Variants in SMARCA2 observed in about 807,000 individuals in gnomAD.
The protein encoded by SMARCA2 is SWI/SNF-related matrix-associated actin-dependent regulator of chromatin subfamily A member 2.
SMARCA2 carries 61 observed loss-of-function variants against 199.8 expected under a neutral mutation model. The ratio of observed to expected loss-of-function variants is 0.31; its 90% CI spans 0.25 to 0.38. The LOEUF is 0.38. Among genes scored for constraint, SMARCA2 ranks in the 10% least tolerant of loss-of-function variants. The pLI is 1.00. For missense variants in SMARCA2, 1,344 were observed against 2,012.2 expected (o/e 0.67, Z 6.35); for synonymous variants, 935 against 732.0 (o/e 1.28, Z -4.48).
In SMARCA2 at chr9:2,136,061, C is replaced by T. The variant is rs568610627; in HGVS notation, c.3981+12124C>T. Among the ~76,000 whole-genome samples, 5 of 149,170 alleles carry T rather than the reference C, an allele frequency of 3.4e-5. No homozygotes were observed. In the East Asian group the frequency reaches 6.0e-4, roughly 18 times the overall value. On this transcript the variant is annotated intron_variant, in intron 27 of 33. Coordinates refer to ENST00000349721, the MANE Select transcript of SMARCA2 (RefSeq NM_003070.5). Reference sequence around the variant, plus strand: ...TTCACCATATTGACCAGGCTGGTCTCGAACTCCTGATCTCGTGATCCGCCT... The same window carrying T: ...TTCACCATATTGACCAGGCTGGTCTTGAACTCCTGATCTCGTGATCCGCCT...
At position 2,104,431 on chromosome 9, in the gene SMARCA2, T is replaced by A. The variant is rs1822664245; in HGVS notation, c.3292+262T>A. 6.6e-6 allele frequency among the ~76,000 whole-genome samples: 1 copy of A among 152,176 alleles called. No homozygotes were observed. The highest frequency in any genetic ancestry group is 2.4e-5 in the African/African-American group (1 of 41,442). On this transcript the variant is annotated intron_variant, in intron 23 of 33. Coordinates refer to ENST00000349721, the MANE Select transcript of SMARCA2 (RefSeq NM_003070.5). The surrounding 1 kb of genome is among the most constrained non-coding windows in gnomAD (Gnocchi z 4.0). ...TTTGAGTACCTAAATAAAATAAAATTAAACTAAATTAAAATTTTAAAATCT... is the reference window on the plus strand; with the variant it reads ...TTTGAGTACCTAAATAAAATAAAATAAAACTAAATTAAAATTTTAAAATCT...
chr9:2,109,327 C>T (rs1822888515), intron 23 of SMARCA2, among the ~76,000 whole-genome samples: 1 of 152,014 alleles, frequency 6.6e-6, no homozygotes. Context: ...AGATGGAATA[C>T]TGGTGTTTTT....
chr9:2,062,465 C>T (rs1011906237), intron 9 of SMARCA2, among the ~76,000 whole-genome samples: 24 of 152,074 alleles, frequency 1.6e-4, no homozygotes, highest in African/African-American at 2.7e-4. Context: ...AGATTTCTGC[C>T]GTGGTGTTAG....
Position 2,094,551 on chromosome 9 carries a change from G to A in SMARCA2, c.2884-2106G>A, listed in dbSNP as rs1157985315. On this transcript the variant is annotated intron_variant, in intron 19 of 33. Coordinates refer to ENST00000349721, the MANE Select transcript of SMARCA2 (RefSeq NM_003070.5). ...AAGCCAGCAGGGAGGTGCAGGTGAA[G>A]GTGAACCTCAGGCAGAGCTAGGAAG... 2.0e-5 allele frequency among the ~76,000 whole-genome samples: 3 copies of A among 152,202 alleles called. No individual in the cohort carries two copies. In the East Asian group the frequency reaches 5.8e-4, roughly 29 times the overall value.
rs1052541628 is a variant in SMARCA2, at chr9:2,119,980, T to C, written c.3762+445T>C. On this transcript the variant is annotated intron_variant, in intron 26 of 33. Transcript: ENST00000349721. The surrounding 1 kb of genome is among the most constrained non-coding windows in gnomAD (Gnocchi z 4.6). ...CCTGGCTCCTATAGGCATTGGAACT[T>C]ACAACAGTGCCCTTACAGGATCAAA... Among the ~76,000 whole-genome samples, 24 of 152,280 alleles carry C rather than the reference T, an allele frequency of 1.6e-4. No individual in the cohort carries two copies. The highest frequency in any genetic ancestry group is 6.8e-3 in the Middle Eastern group (2 of 294).
At position 2,057,036 on chromosome 9, in the gene SMARCA2, A is replaced by C. The variant is rs80050802; in HGVS notation, c.1347+191A>C. 0.059 allele frequency among the ~76,000 whole-genome samples: 8,965 copies of C among 152,300 alleles called. 490 individuals are homozygous for C. The highest frequency in any genetic ancestry group is 0.13 in the African/African-American group (5,576 of 41,552). Reference sequence around the variant, plus strand: ...GACAAAGACGCTTAAGCCAGGACGTATAAATGACTGCCCAAGGTCATACAA... The same window carrying C: ...GACAAAGACGCTTAAGCCAGGACGTCTAAATGACTGCCCAAGGTCATACAA... On this transcript the variant is annotated intron_variant, in intron 7 of 33. Transcript: ENST00000349721.
intron 33 of SMARCA2, 59 bp downstream of exon 33, chr9:2,191,467 C>T (rs750736189): frequency 1.9e-6 from 3 of 1,583,988 alleles, no homozygotes; most frequent in Non-Finnish European, 2.6e-6. Flanking sequence ...TTGCTGGCCT[C>T]TTGCATTTCC....
chr9:2,073,966 A>C (rs1821206515), intron 12 of SMARCA2, among the ~76,000 whole-genome samples: 1 of 152,202 alleles, frequency 6.6e-6, no homozygotes, highest in Non-Finnish European at 1.5e-5. Flanking sequence ...CCATACCTCT[A>C]AGTGGTTCAC....
chr9:2,083,249 T>G (rs1821646549), intron 15 of SMARCA2, 98 bp from the exon 16 acceptor site: 1 of 723,738 alleles, frequency 1.4e-6, no homozygotes, highest in African/African-American at 1.8e-5. Context: ...CTGTAGCCCC[T>G]TTCAAGGTGA....
chr9:2,154,284 G>GGTAGTAGTAGTAGCTGCATCA (rs1825227126), intron 27 of SMARCA2, among the ~76,000 whole-genome samples: 2 of 152,102 alleles, frequency 1.3e-5, no homozygotes, highest in Non-Finnish European at 2.9e-5. Context: ...GGACAATGGT[G>GGTAGTAGTAGTAGCTGCATCA]GTAGTAGTAG....
chr9:2,047,596 G>C (rs1474259579), intron 5 of SMARCA2, 112 bp downstream of exon 5: 13 of 1,165,006 alleles, frequency 1.1e-5, no homozygotes, highest in African/African-American at 4.9e-5. Context: ...ATTTTCACCC[G>C]TGCGGTCGGA....
At position 2,077,795 on chromosome 9, in the gene SMARCA2, GT is replaced by G. The variant is rs774555192; in HGVS notation, c.2184+22del. 6.3e-7 allele frequency: 1 copy of G among 1,590,712 alleles called. No individual in the cohort carries two copies. The highest frequency in any genetic ancestry group is 8.6e-7 in the Non-Finnish European group (1 of 1,167,534). ...TTACCAGGTAATTGGCATGGTTTCA[GT>G]TTCCTTGGCAAGTTGTAACCATTTA... On this transcript the variant is annotated intron_variant, in intron 14 of 33. Coordinates refer to ENST00000349721, the MANE Select transcript of SMARCA2 (RefSeq NM_003070.5).
At chr9:2,095,498 A>T (rs886237072) in intron 19 of SMARCA2, among the ~76,000 whole-genome samples, 3 of 152,206 alleles carry the variant, frequency 2.0e-5, no homozygotes, top group Non-Finnish European at 2.9e-5. Context: ...TTAATCTTGG[A>T]GATTTTTCTT....
chr9:2,093,233 G>T (rs573282833), intron 19 of SMARCA2, among the ~76,000 whole-genome samples: 2 of 152,252 alleles, frequency 1.3e-5, no homozygotes, highest in East Asian at 1.9e-4. Flanking sequence ...TTTAGGACGG[G>T]GTACCCAGTA....
intron 20 of SMARCA2, chr9:2,097,063 G>C (rs1266153472): frequency 2.0e-6 from 1 of 492,124 alleles, no homozygotes; most frequent in Admixed American, 3.6e-5. Context: ...TTAAAATCCA[G>C]TTTCACTCCC....
intron 27 of SMARCA2, among the ~76,000 whole-genome samples, chr9:2,156,866 C>A (rs988463004): frequency 6.6e-6 from 1 of 152,206 alleles, no homozygotes; most frequent in Non-Finnish European, 1.5e-5. Context: ...AGCACTAACT[C>A]CCCGGCCGTC....
Position 2,098,942 on chromosome 9 carries a change from G to A in SMARCA2, c.3078+1471G>A, listed in dbSNP as rs1247910279. On this transcript the variant is annotated intron_variant, in intron 21 of 33. Coordinates refer to ENST00000349721, the MANE Select transcript of SMARCA2 (RefSeq NM_003070.5). Reference sequence around the variant, plus strand: ...AGCCTGAGTGACAACAGCGAAACTCGGTCTCAAAAAAAAAAAAAAAGTCAC... The same window carrying A: ...AGCCTGAGTGACAACAGCGAAACTCAGTCTCAAAAAAAAAAAAAAAGTCAC... Among the ~76,000 whole-genome samples, 6 of 146,342 alleles carry A rather than the reference G, an allele frequency of 4.1e-5. No individual in the cohort carries two copies. In the South Asian group the frequency reaches 8.7e-4, roughly 21 times the overall value.
At position 2,186,884 on chromosome 9, in the gene SMARCA2, A is replaced by G. The variant is rs1368174342; in HGVS notation, c.4594+656A>G. Among the ~76,000 whole-genome samples the G allele has an allele frequency of 2.6e-5, 4 of 152,158 alleles. No homozygotes were observed. In the East Asian group the frequency reaches 7.7e-4, roughly 29 times the overall value. On this transcript the variant is annotated intron_variant, in intron 32 of 33. Transcript: ENST00000349721. Reference sequence around the variant, plus strand: ...TAGCCTACTACACATTTTCTACAACACTGCTGCTAATGCCACCTATCTTCT... The same window carrying G: ...TAGCCTACTACACATTTTCTACAACGCTGCTGCTAATGCCACCTATCTTCT...
At chr9:2,023,093 A>G (rs1437031552) in intron 1 of SMARCA2, among the ~76,000 whole-genome samples, 1 of 152,224 alleles carries the variant, frequency 6.6e-6, no homozygotes, top group East Asian at 1.9e-4. Context: ...ATGAAATTGC[A>G]TCGCTGGTAG....
Sources: allele counts gnomAD v4.1 joint callset (sites outside exome capture counted in the v4.1 genomes callset), GRCh38; gene constraint gnomAD v4.1.1; non-coding constraint Gnocchi (gnomAD v3.1); transcripts MANE v1.5; gene names NCBI Gene and HGNC (gene_info 2026-07-23, HGNC 2026-07-21).